Variants in PARD3B observed in about 807,000 individuals in gnomAD.
PARD3B encodes the protein par-3 family cell polarity regulator beta.
In PARD3B, 103 loss-of-function variants were observed where a neutral mutation model predicts 130.2. The ratio of observed to expected loss-of-function variants is 0.79; its 90% CI spans 0.67 to 0.93. The LOEUF (loss-of-function observed/expected upper bound fraction) is 0.93, where lower values mean the gene tolerates loss of function less well. Ranked by LOEUF, PARD3B falls within the 40% of genes least tolerant of loss-of-function variation. PARD3B has a pLI of 0.00. For synonymous variants in PARD3B, 583 were observed against 553.2 expected (o/e 1.05, Z -0.76); for missense variants, 1,609 against 1,499.2 (o/e 1.07, Z -1.21).
intron 2 of PARD3B, among the ~76,000 whole-genome samples, chr2:204,916,553 G>C (rs963912930): frequency 2.0e-5 from 3 of 152,072 alleles, no homozygotes; most frequent in Non-Finnish European, 2.9e-5. Flanking sequence ...TTTTACATGA[G>C]TGCAATTACA....
chr2:205,157,793 T>C (rs1193498541), intron 10 of PARD3B, among the ~76,000 whole-genome samples: 1 of 152,182 alleles, frequency 6.6e-6, no homozygotes, highest in Non-Finnish European at 1.5e-5. Context: ...CAGTTTCACA[T>C]TTCTACAAGC....
chr2:204,642,237 C>T (rs760687628), intron 1 of PARD3B, among the ~76,000 whole-genome samples: 1 of 152,184 alleles, frequency 6.6e-6, no homozygotes, highest in African/African-American at 2.4e-5. Flanking sequence ...TCCACTTAGG[C>T]TCAGGCATAA....
At chr2:205,304,559 TG>T (rs1235753440) in intron 18 of PARD3B, among the ~76,000 whole-genome samples, 1 of 150,170 alleles carries the variant, frequency 6.7e-6, no homozygotes, top group East Asian at 2.0e-4. Context: ...CGCTTGAACC[TG>T]GGAGGCAGAG....
chr2:205,356,129 C>A (rs34486316), intron 18 of PARD3B, among the ~76,000 whole-genome samples: 90,762 of 152,032 alleles, frequency 0.6, 30,638 homozygotes, highest in South Asian at 0.77. Flanking sequence ...GGTGCCCCTT[C>A]TTGCCTAATG....
At position 205,568,597 on chromosome 2, in the gene PARD3B, G is replaced by A. The variant is rs1442800907; in HGVS notation, c.3260+15194G>A. Among the ~76,000 whole-genome samples the A allele has an allele frequency of 6.6e-6, 1 of 152,202 alleles. No individual in the cohort carries two copies. The highest frequency in any genetic ancestry group is 1.5e-5 in the Non-Finnish European group (1 of 68,036). ...AAATGCCCATTAATGAACAATGATG[G>A]TTTGAGTGTGTGCTGTGGCTTTACC... On this transcript the variant is annotated intron_variant, in intron 22 of 22. Transcript: ENST00000406610. The surrounding 1 kb of genome is among the most constrained non-coding windows in gnomAD (Gnocchi z 5.3).
At chr2:204,688,897 A>G (rs200558598) in intron 2 of PARD3B, among the ~76,000 whole-genome samples, 84 of 152,316 alleles carry the variant, frequency 5.5e-4, no homozygotes, top group African/African-American at 2.0e-3. Context: ...AAGTCCAAAG[A>G]GGCACGGATA....
intron 16 of PARD3B, among the ~76,000 whole-genome samples, chr2:205,262,865 A>G (rs1373975705): frequency 2.6e-5 from 4 of 152,096 alleles, no homozygotes; most frequent in Admixed American, 6.6e-5. Context: ...GGTGCTGACA[A>G]ATAATTTTTC....
chr2:205,546,581 G>T (rs1291615205), intron 21 of PARD3B, among the ~76,000 whole-genome samples: 1 of 152,102 alleles, frequency 6.6e-6, no homozygotes, highest in Admixed American at 6.6e-5. Context: ...TGAGAAGTGA[G>T]CTTATAAATG....
At chr2:204,561,311 A>G (rs949409775) in intron 1 of PARD3B, among the ~76,000 whole-genome samples, 5 of 152,212 alleles carry the variant, frequency 3.3e-5, no homozygotes, top group Admixed American at 2.6e-4. Context: ...GAAAGTATAA[A>G]TTGATATGGG....
At chr2:205,319,709 G>A (rs1046107848) in intron 18 of PARD3B, among the ~76,000 whole-genome samples, 7 of 152,134 alleles carry the variant, frequency 4.6e-5, no homozygotes, top group African/African-American at 1.7e-4. Flanking sequence ...TGCTCATAGT[G>A]TACATTCAAC....
intron 2 of PARD3B, among the ~76,000 whole-genome samples, chr2:204,961,255 G>A (rs967433361): frequency 1.8e-4 from 28 of 152,262 alleles, no homozygotes; most frequent in African/African-American, 6.5e-4. Context: ...GAGGCAGTGG[G>A]TAGAAACAAG....
At chr2:204,786,743 CAA>C (rs2042022509) in intron 2 of PARD3B, among the ~76,000 whole-genome samples, 1 of 151,128 alleles carries the variant, frequency 6.6e-6, no homozygotes, top group South Asian at 2.2e-4. Context: ...GTATCTAAAA[CAA>C]GAGTCATTTC....
chr2:205,239,690 G>A (rs2039263542), intron 15 of PARD3B, among the ~76,000 whole-genome samples: 1 of 152,138 alleles, frequency 6.6e-6, no homozygotes, highest in African/African-American at 2.4e-5. Context: ...GTGAACATAT[G>A]GATAGTTGGA....
intron 2 of PARD3B, among the ~76,000 whole-genome samples, chr2:204,833,996 A>G (rs1166108213): frequency 1.3e-5 from 2 of 151,190 alleles, no homozygotes; most frequent in African/African-American, 4.9e-5. Flanking sequence ...AGCCCAACAA[A>G]CTCCCATGGC....
chr2:204,676,958 G>A (rs1167727751), intron 1 of PARD3B, among the ~76,000 whole-genome samples: 5 of 152,058 alleles, frequency 3.3e-5, no homozygotes, highest in Non-Finnish European at 5.9e-5. Context: ...GTGAGCCACC[G>A]CACCCGGCCA....
rs1044625437 is a variant in PARD3B at position 205,280,827 on chromosome 2, G to A, written c.2186-19703G>A. 1.3e-5 allele frequency among the ~76,000 whole-genome samples: 2 copies of A among 152,180 alleles called. No individual in the cohort carries two copies. Among genetic ancestry groups the A allele is most frequent in the Non-Finnish European group, 2.9e-5 (2 of 68,022 alleles). Reference sequence around the variant, plus strand: ...ATGGGGAACAAACCAAATAAATACAGTATTTTATGTTCTTTTAATTCAGGG... The same window carrying A: ...ATGGGGAACAAACCAAATAAATACAATATTTTATGTTCTTTTAATTCAGGG... On this transcript the variant is annotated intron_variant, in intron 16 of 22. Coordinates refer to ENST00000406610, the MANE Select transcript of PARD3B (RefSeq NM_001302769.2). This position sits in a 1 kb window ranked among gnomAD's most constrained non-coding sequence, Gnocchi z 4.7.
Position 205,280,504 on chromosome 2 carries a change from T to G in PARD3B, c.2186-20026T>G, listed in dbSNP as rs1245797477. 6.6e-6 allele frequency among the ~76,000 whole-genome samples: 1 copy of G among 152,242 alleles called. No homozygotes were observed. The highest frequency in any genetic ancestry group is 2.4e-5 in the African/African-American group (1 of 41,464). On this transcript the variant is annotated intron_variant, in intron 16 of 22. Coordinates refer to ENST00000406610, the MANE Select transcript of PARD3B (RefSeq NM_001302769.2). This position sits in a 1 kb window ranked among gnomAD's most constrained non-coding sequence, Gnocchi z 4.7. ...GTTCAGCCTGGGAGAAAGGAACTAT[T>G]GAAAACCTTTTCTGTTTCCTTCTCT... is the stretch of plus-strand genomic sequence containing the variant.
At chr2:205,196,470 A>G (rs2036687713) in intron 15 of PARD3B, among the ~76,000 whole-genome samples, 1 of 152,146 alleles carries the variant, frequency 6.6e-6, no homozygotes, top group Non-Finnish European at 1.5e-5. Flanking sequence ...ATTTTTTTGC[A>G]ACCCATTATT....
At chr2:204,750,577 C>A (rs923385114) in intron 2 of PARD3B, among the ~76,000 whole-genome samples, 4 of 151,522 alleles carry the variant, frequency 2.6e-5, no homozygotes, top group African/African-American at 7.3e-5. Context: ...AAGAGTGAAA[C>A]GCTGTTTCAA....
Sources: allele counts gnomAD v4.1 joint callset (sites outside exome capture counted in the v4.1 genomes callset), GRCh38; gene constraint gnomAD v4.1.1; non-coding constraint Gnocchi (gnomAD v3.1); transcripts MANE v1.5; gene names NCBI Gene and HGNC (gene_info 2026-07-23, HGNC 2026-07-21).